Variants in GNAT3 observed in about 807,000 individuals in gnomAD.
GNAT3 encodes guanine nucleotide-binding protein G(t) subunit alpha-3.
Under a neutral mutation model 37.7 loss-of-function variants are expected in GNAT3, and 31 were observed. The observed-to-expected ratio is 0.82, with a 90% CI of 0.62 to 1.11. GNAT3 has a LOEUF of 1.11. Ranked by LOEUF, GNAT3 falls within the 50% of genes most tolerant of loss-of-function variation. The pLI, the probability that GNAT3 is intolerant of heterozygous loss-of-function variation, is 0.00. For missense variants in GNAT3, 437 were observed against 412.5 expected (o/e 1.06, Z -0.51); for synonymous variants, 138 against 139.8 (o/e 0.99, Z 0.09).
intron 3 of GNAT3, among the ~76,000 whole-genome samples, chr7:80,479,821 G>A (rs1211261092): frequency 6.6e-6 from 1 of 151,352 alleles, no homozygotes; most frequent in Non-Finnish European, 1.5e-5. Flanking sequence ...TCGGGTTACT[G>A]CCTCGTAATC....
intron 5 of GNAT3, among the ~76,000 whole-genome samples, chr7:80,463,198 A>G (rs1256441530): frequency 6.6e-6 from 1 of 152,164 alleles, no homozygotes; most frequent in African/African-American, 2.4e-5. Flanking sequence ...AATATTATGT[A>G]AAAAATATTC....
intron 1 of GNAT3, among the ~76,000 whole-genome samples, chr7:80,509,003 A>C (rs568921723): frequency 1.6e-4 from 25 of 152,116 alleles, no homozygotes; most frequent in Non-Finnish European, 3.5e-4. Flanking sequence ...TCCATGTGAC[A>C]TGTACTCACT....
At chr7:80,493,053 T>A (rs1261689611) in intron 2 of GNAT3, among the ~76,000 whole-genome samples, 1 of 152,074 alleles carries the variant, frequency 6.6e-6, no homozygotes, top group Non-Finnish European at 1.5e-5. Flanking sequence ...ACCAGTTATT[T>A]ATCATATTTA....
At chr7:80,461,456 G>A (rs945093368) in intron 7 of GNAT3, among the ~76,000 whole-genome samples, 11 of 152,094 alleles carry the variant, frequency 7.2e-5, no homozygotes, top group African/African-American at 2.7e-4. Context: ...GGCTGAAGCA[G>A]GGGAATCATT....
intron 1 of GNAT3, among the ~76,000 whole-genome samples, chr7:80,508,725 G>A (rs1790999050): frequency 6.6e-6 from 1 of 152,018 alleles, no homozygotes; most frequent in African/African-American, 2.4e-5. Flanking sequence ...CTGTCTGCAA[G>A]ATGATCCTTT....
chr7:80,466,007 C>A (rs1331778634), intron 5 of GNAT3, among the ~76,000 whole-genome samples: 2 of 152,094 alleles, frequency 1.3e-5, no homozygotes, highest in African/African-American at 4.8e-5. Flanking sequence ...ACTGAAACCA[C>A]CCTTTCTAAC....
intron 1 of GNAT3, among the ~76,000 whole-genome samples, chr7:80,505,416 G>T (rs953928675): frequency 1.3e-5 from 2 of 151,964 alleles, no homozygotes; most frequent in Non-Finnish European, 2.9e-5. Context: ...GCCCAGGCTG[G>T]AGTGCAGTGG....
intron 1 of GNAT3, among the ~76,000 whole-genome samples, chr7:80,499,422 G>C (rs1184037732): frequency 1.3e-5 from 2 of 152,076 alleles, no homozygotes; most frequent in African/African-American, 4.8e-5. Flanking sequence ...ATCTAGCTCT[G>C]TTGCCAGGCT....
At chr7:80,476,126 T>G (rs1362889953) in intron 4 of GNAT3, among the ~76,000 whole-genome samples, 2 of 151,952 alleles carry the variant, frequency 1.3e-5, no homozygotes, top group Non-Finnish European at 2.9e-5. Flanking sequence ...AAATAAAGAT[T>G]AAATTCATTT....
chr7:80,470,744 T>C (rs1166212369), intron 5 of GNAT3, among the ~76,000 whole-genome samples: 3 of 152,158 alleles, frequency 2.0e-5, no homozygotes, highest in Non-Finnish European at 4.4e-5. Flanking sequence ...AAAATGACTA[T>C]GTACCAAAGG....
At chr7:80,492,627 C>T (rs73159436) in intron 2 of GNAT3, among the ~76,000 whole-genome samples, 1 of 151,406 alleles carries the variant, frequency 6.6e-6, no homozygotes, top group Non-Finnish European at 1.5e-5. Flanking sequence ...TTTATACAGG[C>T]TTTTATATTA....
At chr7:80,490,637 A>G (rs1396556188) in intron 2 of GNAT3, among the ~76,000 whole-genome samples, 2 of 152,222 alleles carry the variant, frequency 1.3e-5, no homozygotes, top group African/African-American at 2.4e-5. Flanking sequence ...ACAATTTTCA[A>G]GTGTTCAATA....
At chr7:80,494,708 A>G (rs1287546322) in intron 1 of GNAT3, 61 bp from the exon 2 acceptor site, 4 of 961,266 alleles carry the variant, frequency 4.2e-6, no homozygotes, top group Admixed American at 4.3e-5. Flanking sequence ...GATATTAAAA[A>G]CTATCACTTT....
chr7:80,465,859 TA>T (rs1790121370), intron 5 of GNAT3, among the ~76,000 whole-genome samples: 1 of 152,148 alleles, frequency 6.6e-6, no homozygotes, highest in South Asian at 2.1e-4. Flanking sequence ...CATTTGGTCA[TA>T]TATGAATATA....
chr7:80,496,822 C>T lies in GNAT3; in HGVS notation c.119-2175G>A, dbSNP rs552980029. On this transcript the variant is annotated intron_variant, in intron 1 of 7. Coordinates refer to ENST00000398291, the MANE Select transcript of GNAT3 (RefSeq NM_001102386.3). ...GCCTCGATGAACAGATATAGCTACA[C>T]CTAAATTTAGTTCTATTCAGGACAA... Among the ~76,000 whole-genome samples, 6 of 152,014 alleles carry T rather than the reference C, an allele frequency of 3.9e-5. No homozygotes were observed. The East Asian group carries it at 9.7e-4, about 24-fold the overall frequency.
intron 5 of GNAT3, among the ~76,000 whole-genome samples, chr7:80,470,648 A>G (rs1790199070): frequency 6.6e-6 from 1 of 152,178 alleles, no homozygotes; most frequent in African/African-American, 2.4e-5. Context: ...ATAAGGATCA[A>G]TAATATGCAA....
chr7:80,484,506 C>T (rs781301408), intron 3 of GNAT3, among the ~76,000 whole-genome samples: 15 of 151,828 alleles, frequency 9.9e-5, no homozygotes, highest in Non-Finnish European at 1.9e-4. Context: ...GTTCTATGTC[C>T]AAGATGATTA....
rs529046839 is a variant in GNAT3 at position 80,488,573 on chromosome 7, T to C, written c.265A>G (p.Thr89Ala). 2 of 1,600,812 alleles carry C rather than the reference T, an allele frequency of 1.2e-6. No homozygotes were observed. The highest frequency in any genetic ancestry group is 1.7e-6 in the Non-Finnish European group (2 of 1,172,434). The stretch of plus-strand genomic sequence containing the variant: ...TTTACATAATCAATTCCAAGGGTAG[T>C]CATGGCTTTCACAATAGCTAGGATG... ...QSILAIVKAM[T>A]TLGIDYVNPR... The change falls in exon 3 of 8, where the codon ACT becomes GCT. Residue 89 changes from threonine to alanine, a missense_variant. By Grantham distance (58) the Thr-to-Ala change is moderately conservative. Transcript: ENST00000398291.
chr7:80,486,041 ATAAT>A (rs1171760716), intron 3 of GNAT3, among the ~76,000 whole-genome samples: 3 of 152,198 alleles, frequency 2.0e-5, no homozygotes, highest in African/African-American at 7.2e-5. Context: ...GTATAAATAA[ATAAT>A]TGAGAGCTAA....
Sources: gnomAD v4.1 joint callset for allele counts (sites outside exome capture counted in the v4.1 genomes callset) on GRCh38, gnomAD v4.1.1 for gene constraint, MANE v1.5 for transcripts, NCBI Gene and HGNC (gene_info 2026-07-23, HGNC 2026-07-21) for gene names.